ADD2: variants seen among roughly 807,000 people sequenced by gnomAD.
The protein encoded by ADD2 is beta-adducin.
A neutral mutation model predicts 83.0 loss-of-function variants in ADD2; 23 were observed. The ratio of observed to expected loss-of-function variants is 0.28; its 90% CI spans 0.20 to 0.39. The LOEUF is 0.39. Among genes scored for constraint, ADD2 ranks in the 10% least tolerant of loss-of-function variants. The pLI is 1.00. For synonymous variants in ADD2, 375 were observed against 375.4 expected (o/e 1.00, Z 0.01); for missense variants, 758 against 944.9 (o/e 0.80, Z 2.59).
intron 15 of ADD2, among the ~76,000 whole-genome samples, chr2:70,664,088 T>C (rs574960187): frequency 1.3e-5 from 2 of 152,256 alleles, no homozygotes; most frequent in East Asian, 3.9e-4. Flanking sequence ...GGAGAAGGCG[T>C]GAGGTGTACA....
intron 1 of ADD2, among the ~76,000 whole-genome samples, chr2:70,749,547 T>TAA (rs150290563): frequency 3.4e-5 from 5 of 148,490 alleles, no homozygotes; most frequent in African/African-American, 9.9e-5. Flanking sequence ...TATGGCCAGC[T>TAA]AAAAAAAAAA....
At chr2:70,749,243 A>C (rs10202903) in intron 1 of ADD2, among the ~76,000 whole-genome samples, 1 of 151,914 alleles carries the variant, frequency 6.6e-6, no homozygotes, top group Admixed American at 6.5e-5. Context: ...AGCATGGGGG[A>C]AACCACCTCC....
At chr2:70,720,190 C>A (rs965468481) in intron 1 of ADD2, among the ~76,000 whole-genome samples, 1 of 152,106 alleles carries the variant, frequency 6.6e-6, no homozygotes, top group African/African-American at 2.4e-5. Context: ...CACTATCCCT[C>A]CCCTCTCCAG....
chr2:70,673,672 C>T (rs1216702068), intron 14 of ADD2, among the ~76,000 whole-genome samples: 1 of 152,152 alleles, frequency 6.6e-6, no homozygotes, highest in East Asian at 1.9e-4. Context: ...CCTCAGCTCA[C>T]TGTAACCTCC....
chr2:70,714,820 T>C (rs1191072789), intron 1 of ADD2, among the ~76,000 whole-genome samples: 2 of 152,238 alleles, frequency 1.3e-5, no homozygotes, highest in Admixed American at 6.5e-5. Context: ...GAGGCTGCCC[T>C]GTGGCCACAA....
rs1670314494 is a variant in ADD2 at position 70,678,876 on chromosome 2, ACCGTGGCTGGAATCTCCACCT to A, written c.1190_1210del (p.Glu397_Thr403del). Reference sequence around the variant, plus strand: ...GTCCTCCTCAAACACGAAGGCTGTGACCGTGGCTGGAATCTCCACCTCACTTTTGTGTTTGGTTTTCTCTTG... The same window carrying A: ...GTCCTCCTCAAACACGAAGGCTGTGACACTTTTGTGTTTGGTTTTCTCTTG... On this transcript the variant is annotated inframe_deletion, in exon 11 of 16. Coordinates refer to ENST00000264436, the MANE Select transcript of ADD2 (RefSeq NM_001617.4). The A allele has an allele frequency of 6.2e-7, 1 of 1,614,052 alleles. No homozygotes were observed. Among genetic ancestry groups the A allele is most frequent in the Non-Finnish European group, 8.5e-7 (1 of 1,180,036 alleles).
At chr2:70,728,118 GT>G (rs1248512738) in intron 1 of ADD2, among the ~76,000 whole-genome samples, 3 of 152,106 alleles carry the variant, frequency 2.0e-5, no homozygotes, top group African/African-American at 7.2e-5. Context: ...TTCTCCCCAT[GT>G]CATATTCAAG....
At chr2:70,701,735 GAACTAT>G (rs540178641) in intron 4 of ADD2, among the ~76,000 whole-genome samples, 238 of 151,926 alleles carry the variant, frequency 1.6e-3, no homozygotes, top group African/African-American at 5.5e-3. Flanking sequence ...TCTTAAATGA[GAACTAT>G]AACCAGAAAG....
At chr2:70,764,081 T>C (rs1553385514) in intron 1 of ADD2, among the ~76,000 whole-genome samples, 2 of 151,566 alleles carry the variant, frequency 1.3e-5, no homozygotes, top group Non-Finnish European at 2.9e-5. Context: ...AGAGATGGGG[T>C]TTCACTATGT....
chr2:70,728,471 C>T (rs58075067), intron 1 of ADD2, among the ~76,000 whole-genome samples: 78 of 152,272 alleles, frequency 5.1e-4, no homozygotes, highest in African/African-American at 1.9e-3. Flanking sequence ...TCAGAGTGTG[C>T]CTGCCAATAC....
chr2:70,701,869 A>G (rs1671601152), intron 4 of ADD2, among the ~76,000 whole-genome samples: 1 of 152,172 alleles, frequency 6.6e-6, no homozygotes, highest in African/African-American at 2.4e-5. Flanking sequence ...TCTCTGATGG[A>G]TATGAAAGAA....
At chr2:70,748,464 G>T (rs569928784) in intron 1 of ADD2, among the ~76,000 whole-genome samples, 1 of 152,104 alleles carries the variant, frequency 6.6e-6, no homozygotes, top group Non-Finnish European at 1.5e-5. Context: ...AGAACTAAAA[G>T]ACAAAGATCT....
At chr2:70,760,032 G>T (rs1674999820) in intron 1 of ADD2, among the ~76,000 whole-genome samples, 1 of 152,198 alleles carries the variant, frequency 6.6e-6, no homozygotes, top group Non-Finnish European at 1.5e-5. Context: ...CATGGGCTGG[G>T]TGATATTGGC....
chr2:70,698,030 G>C (rs570293734), intron 4 of ADD2, among the ~76,000 whole-genome samples: 60 of 152,342 alleles, frequency 3.9e-4, no homozygotes, highest in African/African-American at 1.3e-3. Context: ...AAATTGACCA[G>C]TTTGGGATTG....
chr2:70,670,426 G>A (rs1553366875), intron 15 of ADD2, among the ~76,000 whole-genome samples: 1 of 152,192 alleles, frequency 6.6e-6, no homozygotes. Context: ...GTCAAATACA[G>A]GGCTATTTCT....
chr2:70,664,314 C>T (rs1251169677), intron 15 of ADD2, among the ~76,000 whole-genome samples: 1 of 152,140 alleles, frequency 6.6e-6, no homozygotes, highest in South Asian at 2.1e-4. Context: ...GGGGAAGACC[C>T]CTGGTCAGCC....
intron 1 of ADD2, among the ~76,000 whole-genome samples, chr2:70,714,497 C>A (rs968400745): frequency 3.3e-5 from 5 of 152,246 alleles, no homozygotes; most frequent in Non-Finnish European, 7.3e-5. Context: ...AGCCAGGGGG[C>A]CTGGGGCTCA....
intron 14 of ADD2, among the ~76,000 whole-genome samples, chr2:70,673,534 T>C (rs77757248): frequency 6.6e-6 from 1 of 152,248 alleles, no homozygotes; most frequent in Non-Finnish European, 1.5e-5. Flanking sequence ...AAGTGCCATG[T>C]TCCTCTATTT....
rs1670136141 is a variant in ADD2 at position 70,676,344 on chromosome 2, C to T, written c.1593+452G>A. The T allele has an allele frequency of 2.9e-6, 3 of 1,046,784 alleles. No individual in the cohort carries two copies. Among genetic ancestry groups the T allele is most frequent in the Non-Finnish European group, 3.5e-6 (3 of 869,224 alleles). The allele number at this position is 1,046,784 out of a possible 1,614,324, so 64.8% of individuals were successfully genotyped here. A position where few individuals can be genotyped will look rare whatever the true frequency, so the allele number is the denominator to read the frequency against. ...GAGCATGGGTCCTGTCTATATACCCCTTCTCTATGGGTACATGATCATCTT... is the reference window on the plus strand; with the variant it reads ...GAGCATGGGTCCTGTCTATATACCCTTTCTCTATGGGTACATGATCATCTT... On this transcript the variant is annotated intron_variant, in intron 13 of 15. Transcript: ENST00000264436. The surrounding 1 kb of genome is among the most constrained non-coding windows in gnomAD (Gnocchi z 4.8).
Sources: allele counts gnomAD v4.1 joint callset (sites outside exome capture counted in the v4.1 genomes callset), GRCh38; gene constraint gnomAD v4.1.1; non-coding constraint Gnocchi (gnomAD v3.1); transcripts MANE v1.5; gene names NCBI Gene and HGNC (gene_info 2026-07-23, HGNC 2026-07-21).